Variants in CRCP observed in about 807,000 individuals in gnomAD.
CRCP encodes the protein DNA-directed RNA polymerase III subunit RPC9.
A neutral mutation model predicts 18.5 loss-of-function variants in CRCP; 18 were observed. The ratio of observed to expected loss-of-function variants is 0.97; its 90% confidence interval spans 0.67 to 1.44. The LOEUF (loss-of-function observed/expected upper bound fraction) is 1.44, where lower values mean the gene tolerates loss of function less well. Ranked by LOEUF, CRCP falls within the 40% of genes most tolerant of loss-of-function variation. The pLI, the probability that CRCP is intolerant of heterozygous loss-of-function variation, is 0.00. For missense variants in CRCP, 130 were observed against 176.4 expected (o/e 0.74, Z 1.49); for synonymous variants, 53 against 62.9 (o/e 0.84, Z 0.75).
intron 2 of CRCP, chr7:66,130,230 C>T (rs10268656): frequency 0.62 from 147,308 of 235,972 alleles, 46,923 homozygotes; most frequent in African/African-American, 0.74. Context: ...CTCAGCCTCC[C>T]GAGTAGCTGG....
chr7:66,129,527 AAAAG>A (rs1476642823), intron 2 of CRCP, among the ~76,000 whole-genome samples: 18 of 152,174 alleles, frequency 1.2e-4, no homozygotes, highest in African/African-American at 2.4e-4. Context: ...TAAGACAGCA[AAAAG>A]AAAGAAAGAA....
chr7:66,123,511 G>A (rs1402088693), intron 1 of CRCP, among the ~76,000 whole-genome samples: 1 of 152,110 alleles, frequency 6.6e-6, no homozygotes, highest in Non-Finnish European at 1.5e-5. Context: ...TACTTTGGGA[G>A]GGCAAAGCGG....
At chr7:66,129,285 A>G (rs920587153) in intron 2 of CRCP, among the ~76,000 whole-genome samples, 31 of 152,160 alleles carry the variant, frequency 2.0e-4, no homozygotes, top group African/African-American at 7.2e-4. Flanking sequence ...GTGAGCCAAG[A>G]TTGTGCCACT....
intron 4 of CRCP, among the ~76,000 whole-genome samples, chr7:66,138,205 T>C (rs1264645502): frequency 6.6e-6 from 1 of 152,180 alleles, no homozygotes; most frequent in Non-Finnish European, 1.5e-5. Flanking sequence ...TTTTAAGATG[T>C]CATTTCAGTG....
intron 4 of CRCP, among the ~76,000 whole-genome samples, chr7:66,135,875 C>G (rs1052412774): frequency 6.6e-6 from 1 of 151,732 alleles, no homozygotes; most frequent in African/African-American, 2.4e-5. Flanking sequence ...GAGCCAAGAT[C>G]GCGCCCTTGC....
In CRCP at chr7:66,153,282, A is replaced by T. The variant is rs1353454109; in HGVS notation, c.*925A>T. The T allele has an allele frequency of 6.6e-6, 1 of 152,266 alleles. No homozygotes were observed. Among genetic ancestry groups the T allele is most frequent in the African/African-American group, 2.4e-5 (1 of 41,430 alleles). The allele number at this position is 152,266 out of a possible 1,614,324, so 9.4% of individuals were successfully genotyped here. ...GAAAAACCCCATCTCTACTAAAAAA[A>T]TACAAAATTAACCAGGGGTGATGGC... On this transcript the variant is annotated 3_prime_UTR_variant, in exon 6 of 6. Transcript: ENST00000395326.
intron 1 of CRCP, among the ~76,000 whole-genome samples, chr7:66,117,289 T>A (rs1156771155): frequency 6.6e-5 from 10 of 152,158 alleles, no homozygotes; most frequent in Non-Finnish European, 1.5e-4. Context: ...CAAGGACTAC[T>A]TCAGTGTCCT....
intron 5 of CRCP, among the ~76,000 whole-genome samples, chr7:66,149,550 C>T (rs992596798): frequency 6.6e-6 from 1 of 152,026 alleles, no homozygotes; most frequent in Non-Finnish European, 1.5e-5. Flanking sequence ...AGATGATCTC[C>T]GTTTGAGAAA....
At chr7:66,119,236 T>A (rs150528482) in intron 1 of CRCP, among the ~76,000 whole-genome samples, 1 of 152,320 alleles carries the variant, frequency 6.6e-6, no homozygotes, top group Non-Finnish European at 1.5e-5. Flanking sequence ...CCAAGAGAAC[T>A]TCTGGATAGT....
At chr7:66,146,446 T>TAA in intron 5 of CRCP, among the ~76,000 whole-genome samples, 1 of 144,944 alleles carries the variant, frequency 6.9e-6, no homozygotes, top group East Asian at 2.0e-4. Context: ...ATTGCCAGTT[T>TAA]AAAAAAAAAA....
chr7:66,147,876 T>C (rs1788345437), intron 5 of CRCP, among the ~76,000 whole-genome samples: 2 of 151,718 alleles, frequency 1.3e-5, no homozygotes, highest in African/African-American at 4.8e-5. Flanking sequence ...CTGGGCAACA[T>C]AGTAAGACCC....
chr7:66,133,642 G>GT (rs1379063999), intron 3 of CRCP, among the ~76,000 whole-genome samples: 4 of 149,822 alleles, frequency 2.7e-5, no homozygotes, highest in Admixed American at 1.3e-4. Context: ...TATTCTTTGG[G>GT]TTCCCCCTCT....
At chr7:66,132,910 CAAATAAAT>C (rs572717897) in intron 3 of CRCP, among the ~76,000 whole-genome samples, 14 of 150,652 alleles carry the variant, frequency 9.3e-5, no homozygotes, top group East Asian at 2.0e-4. Flanking sequence ...GACTCTGTCT[CAAATAAAT>C]AAATAAATAA....
At chr7:66,151,938 T>C (rs952327962) in intron 5 of CRCP, among the ~76,000 whole-genome samples, 2 of 151,872 alleles carry the variant, frequency 1.3e-5, no homozygotes, top group African/African-American at 4.8e-5. Context: ...CCTCTGTGCT[T>C]CCCAGGCTGG....
chr7:66,138,010 A>G (rs1447234825), intron 4 of CRCP, among the ~76,000 whole-genome samples: 1 of 152,194 alleles, frequency 6.6e-6, no homozygotes. Flanking sequence ...TTTCCTCTCT[A>G]TTCCTGAAGT....
intron 1 of CRCP, among the ~76,000 whole-genome samples, chr7:66,121,524 A>G (rs1394765825): frequency 1.3e-5 from 2 of 151,508 alleles, no homozygotes; most frequent in South Asian, 2.1e-4. Flanking sequence ...CAGTGGTGCA[A>G]TCTCAGCTCA....
chr7:66,127,884 C>T, intron 2 of CRCP, 144 bp downstream of exon 2: 5 of 874,686 alleles, frequency 5.7e-6, no homozygotes, highest in Non-Finnish European at 9.1e-6. Context: ...GAGGCTGAGG[C>T]TGGATCACTT....
intron 5 of CRCP, among the ~76,000 whole-genome samples, chr7:66,147,745 T>G (rs890858656): frequency 6.6e-6 from 1 of 152,158 alleles, no homozygotes; most frequent in Non-Finnish European, 1.5e-5. Context: ...CAGTATCGCT[T>G]CTCACCAGAG....
chr7:66,150,181 C>T (rs1584103034), intron 5 of CRCP, among the ~76,000 whole-genome samples: 1 of 151,324 alleles, frequency 6.6e-6, no homozygotes, highest in Admixed American at 6.6e-5. Flanking sequence ...TTTGGGAGGC[C>T]GAGGTGAGTG....
Sources: allele counts gnomAD v4.1 joint callset (sites outside exome capture counted in the v4.1 genomes callset), GRCh38; gene constraint gnomAD v4.1.1; transcripts MANE v1.5; gene names NCBI Gene and HGNC (gene_info 2026-07-23, HGNC 2026-07-21).